Variants in LHFPL6 observed in about 807,000 individuals in gnomAD.
LHFPL6 encodes LHFPL tetraspan subfamily member 6 protein.
LHFPL6 carries 9 observed loss-of-function variants against 20.6 expected under a neutral mutation model. The ratio of observed to expected loss-of-function variants is 0.44; its 90% CI spans 0.26 to 0.76. The LOEUF (loss-of-function observed/expected upper bound fraction) is 0.76. LHFPL6 is among the 30% of genes least tolerant of loss of function. The pLI is 0.20. For missense variants in LHFPL6, 218 were observed against 253.5 expected (o/e 0.86, Z 0.95); for synonymous variants, 105 against 98.7 (o/e 1.06, Z -0.38).
rs895110391 is a variant in LHFPL6, at chr13:39,600,884, G to A, written c.333C>T (p.Asp111=). 1 of 1,548,898 alleles carries A rather than the reference G, an allele frequency of 6.5e-7. No homozygotes were observed. Among genetic ancestry groups the A allele is most frequent in the Admixed American group, 1.9e-5 (1 of 52,600 alleles). The stretch of plus-strand genomic sequence containing the variant: ...CTCTTCCCACTGTCCTGGAGATGAG[G>A]TCGGAAACACAGCAACCCATGAGGG... ...LTALMGCCVS[D]LISRTVGRVA... The change falls in exon 2 of 4, where the codon GAC becomes GAT. Residue 111 remains aspartate (D), a synonymous_variant. Coordinates refer to ENST00000379589, the MANE Select transcript of LHFPL6 (RefSeq NM_005780.3).
chr13:39,400,859 C>A (rs1341399395), intron 2 of LHFPL6, among the ~76,000 whole-genome samples: 1 of 148,826 alleles, frequency 6.7e-6, no homozygotes, highest in Admixed American at 6.7e-5. Flanking sequence ...CACCAAAATG[C>A]CTGTTAGCAT....
intron 3 of LHFPL6, among the ~76,000 whole-genome samples, chr13:39,377,398 C>A (rs1001776986): frequency 6.6e-6 from 1 of 152,022 alleles, no homozygotes; most frequent in Non-Finnish European, 1.5e-5. Context: ...TTTTCCCATA[C>A]AATGATAAGT....
intron 2 of LHFPL6, among the ~76,000 whole-genome samples, chr13:39,421,060 G>A (rs1375862985): frequency 6.6e-6 from 1 of 151,934 alleles, no homozygotes; most frequent in East Asian, 1.9e-4. Context: ...CTTATTCCTA[G>A]TGGTAGCAAT....
At chr13:39,345,532 A>AAAAAAAAAAAAAAAAAAAAAAAAAAAAAC (rs1869375809) in intron 3 of LHFPL6, among the ~76,000 whole-genome samples, 1 of 147,334 alleles carries the variant, frequency 6.8e-6, no homozygotes, top group Non-Finnish European at 1.5e-5. Context: ...AAAAAAAAAA[A>AAAAAAAAAAAAAAAAAAAAAAAAAAAAAC]AAAAAAAAGA....
intron 3 of LHFPL6, among the ~76,000 whole-genome samples, chr13:39,354,417 A>G (rs1399418694): frequency 1.3e-5 from 2 of 152,210 alleles, no homozygotes; most frequent in African/African-American, 4.8e-5. Flanking sequence ...CAAAAAGATA[A>G]AAGAACACCA....
At chr13:39,373,019 C>G (rs1870200091) in intron 3 of LHFPL6, among the ~76,000 whole-genome samples, 1 of 152,170 alleles carries the variant, frequency 6.6e-6, no homozygotes, top group Non-Finnish European at 1.5e-5. Context: ...AAACCCTTTA[C>G]CTACCTAAAG....
At chr13:39,394,234 C>T (rs553369185) in intron 2 of LHFPL6, among the ~76,000 whole-genome samples, 53 of 152,258 alleles carry the variant, frequency 3.5e-4, no homozygotes, top group Middle Eastern at 3.4e-3. Flanking sequence ...ACCACTGCAC[C>T]GAGCCCCAAA....
intron 2 of LHFPL6, among the ~76,000 whole-genome samples, chr13:39,392,355 A>G (rs1333979387): frequency 1.3e-5 from 2 of 152,154 alleles, no homozygotes; most frequent in Non-Finnish European, 2.9e-5. Flanking sequence ...AGCACTTTGG[A>G]AGGCCAAGGC....
chr13:39,394,021 G>A (rs1381096798), intron 2 of LHFPL6, among the ~76,000 whole-genome samples: 2 of 152,232 alleles, frequency 1.3e-5, no homozygotes, highest in East Asian at 3.9e-4. Context: ...GCTCACTGCA[G>A]CCTTGAACTA....
intron 1 of LHFPL6, 133 bp from the exon 2 acceptor site, chr13:39,601,523 TTCTC>T (rs371547934): frequency 8.3e-5 from 22 of 263,818 alleles, no homozygotes; most frequent in African/African-American, 3.5e-4. Flanking sequence ...GAAGAACTAA[TTCTC>T]TCTATGAGCT....
chr13:39,539,636 G>A (rs1209934994), intron 2 of LHFPL6, among the ~76,000 whole-genome samples: 3 of 152,164 alleles, frequency 2.0e-5, no homozygotes, highest in African/African-American at 7.2e-5. Context: ...CAATTAATCA[G>A]CGTAAGGCAT....
chr13:39,546,333 A>G (rs115967520), intron 2 of LHFPL6, among the ~76,000 whole-genome samples: 1 of 152,146 alleles, frequency 6.6e-6, no homozygotes, highest in Admixed American at 6.5e-5. Context: ...ATAAAAATGT[A>G]GATTCCTGGG....
chr13:39,385,515 C>T (rs1333626587), intron 2 of LHFPL6, among the ~76,000 whole-genome samples: 2 of 152,252 alleles, frequency 1.3e-5, no homozygotes, highest in Non-Finnish European at 2.9e-5. Flanking sequence ...AGCTTGGATA[C>T]ACTGGCCGTA....
chr13:39,602,646 G>C (rs749573736), intron 1 of LHFPL6, among the ~76,000 whole-genome samples: 6 of 152,162 alleles, frequency 3.9e-5, no homozygotes, highest in Admixed American at 1.3e-4. Context: ...TCTAAAAGGG[G>C]GCAAGAGGCA....
intron 2 of LHFPL6, among the ~76,000 whole-genome samples, chr13:39,442,960 CAG>C (rs1051348444): frequency 5.9e-5 from 9 of 152,084 alleles, no homozygotes; most frequent in African/African-American, 1.9e-4. Context: ...TCTCCTTTTT[CAG>C]AGAGTTGAAA....
intron 2 of LHFPL6, among the ~76,000 whole-genome samples, chr13:39,504,648 A>C (rs1416615235): frequency 6.6e-6 from 1 of 152,188 alleles, no homozygotes; most frequent in Non-Finnish European, 1.5e-5. Context: ...TAAGGACACC[A>C]GTTACATTGG....
intron 3 of LHFPL6, among the ~76,000 whole-genome samples, chr13:39,377,653 T>C (rs757441580): frequency 6.6e-6 from 1 of 152,196 alleles, no homozygotes; most frequent in Non-Finnish European, 1.5e-5. Flanking sequence ...ACGCAAACCA[T>C]GGAGTATTCT....
chr13:39,374,039 A>G (rs762091947), intron 3 of LHFPL6, among the ~76,000 whole-genome samples: 8 of 152,174 alleles, frequency 5.3e-5, no homozygotes, highest in Non-Finnish European at 1.2e-4. Flanking sequence ...TATACAAAAG[A>G]AAATAAATCA....
At chr13:39,493,736 T>C (rs1418542794) in intron 2 of LHFPL6, among the ~76,000 whole-genome samples, 1 of 152,190 alleles carries the variant, frequency 6.6e-6, no homozygotes, top group African/African-American at 2.4e-5. Context: ...TTTCTGTTAG[T>C]GAATCAAGAG....
Sources: gnomAD v4.1 joint callset for allele counts (sites outside exome capture counted in the v4.1 genomes callset) on GRCh38, gnomAD v4.1.1 for gene constraint, MANE v1.5 for transcripts, NCBI Gene and HGNC (gene_info 2026-07-23, HGNC 2026-07-21) for gene names.